The following INO80C variants were observed in gnomAD, a reference collection of about 807,000 sequenced individuals.
INO80C encodes the protein IES6 homolog.
A neutral mutation model predicts 17.7 loss-of-function variants in INO80C; 17 were observed. The observed-to-expected ratio is 0.96, with a 90% CI of 0.66 to 1.44. The LOEUF (loss-of-function observed/expected upper bound fraction) is 1.44, where lower values mean the gene tolerates loss of function less well. Ranked by LOEUF, INO80C falls within the 40% of genes most tolerant of loss-of-function variation. INO80C has a pLI of 0.00. For missense variants in INO80C, 244 were observed against 245.0 expected, an observed-to-expected ratio of 1.00 and a Z score of 0.03; for synonymous variants, 96 against 95.8, an observed-to-expected ratio of 1.00 and a Z score of -0.01.
chr18:35,497,285 A>C (rs2045992924), intron 1 of INO80C: 1 of 967,860 alleles, frequency 1.0e-6, no homozygotes, highest in Non-Finnish European at 1.2e-6. Flanking sequence ...TCAGGATGAG[A>C]GAAAGCATAC....
At chr18:35,474,207 C>CTA (rs58465669) in intron 4 of INO80C, among the ~76,000 whole-genome samples, 10,815 of 57,710 alleles carry the variant, frequency 0.19, 1,540 homozygotes, top group Middle Eastern at 0.3. Flanking sequence ...GTGTGTGTGT[C>CTA]TATATATATA....
intron 4 of INO80C, among the ~76,000 whole-genome samples, 166 bp from the exon 5 acceptor site, chr18:35,468,908 T>C (rs2045636374): frequency 6.6e-6 from 1 of 152,052 alleles, no homozygotes; most frequent in Non-Finnish European, 1.5e-5. Context: ...ACAGGCTCAT[T>C]AACCTTCCCA....
chr18:35,468,356 G>T lies in INO80C; in HGVS notation c.*255C>A. The T allele has an allele frequency of 7.6e-7, 1 of 1,315,680 alleles. No homozygotes were observed. Among genetic ancestry groups the T allele is most frequent in the Non-Finnish European group, 9.7e-7 (1 of 1,028,448 alleles). The allele number at this position is 1,315,680 out of a possible 1,614,324, so 81.5% of individuals were successfully genotyped here. A position where few individuals can be genotyped will look rare whatever the true frequency, so the allele number is the denominator to read the frequency against. ...GATAAATGAAAAGTATGGTTTTATT[G>T]TATCTTCTTGTCAAACACCTTTACT... is the stretch of plus-strand genomic sequence containing the variant. On this transcript the variant is annotated 3_prime_UTR_variant, in exon 5 of 5. Transcript: ENST00000334598.
chr18:35,472,259 C>T (rs1403052821), intron 4 of INO80C, among the ~76,000 whole-genome samples: 6 of 152,192 alleles, frequency 3.9e-5, no homozygotes, highest in African/African-American at 1.4e-4. Context: ...TCCTCTCCAG[C>T]ACCTGTTGTT....
Position 35,495,196 on chromosome 18 carries a change from A to G in INO80C, c.156+2523T>C, listed in dbSNP as rs143876824. On this transcript the variant is annotated intron_variant, in intron 1 of 4. Transcript: ENST00000334598. ...GTAATCCCTAAACTTTGGGAGGCCA[A>G]TGTGGGCAGATTGCTTGACCCCAGG... is the stretch of plus-strand genomic sequence containing the variant. Among the ~76,000 whole-genome samples, 100 of 152,358 alleles carry G rather than the reference A, an allele frequency of 6.6e-4. 1 individual carries two copies. Among genetic ancestry groups the G allele is most frequent in the African/African-American group, 1.9e-3 (79 of 41,584 alleles).
chr18:35,473,133 C>A (rs17561091), intron 4 of INO80C, among the ~76,000 whole-genome samples: 3,100 of 152,272 alleles, frequency 0.02, 41 homozygotes, highest in Non-Finnish European at 0.034. Context: ...TCTGAGGAAC[C>A]ACCCTCCAAG....
intron 1 of INO80C, among the ~76,000 whole-genome samples, chr18:35,493,909 C>G (rs2045954593): frequency 1.3e-5 from 2 of 152,142 alleles, no homozygotes; most frequent in African/African-American, 4.8e-5. Flanking sequence ...GATGAAAGAC[C>G]TATAAAATCT....
At chr18:35,490,859 C>T (rs1400658189) in intron 1 of INO80C, among the ~76,000 whole-genome samples, 3 of 152,154 alleles carry the variant, frequency 2.0e-5, no homozygotes, top group Admixed American at 6.5e-5. Context: ...GGGCTCAAGC[C>T]ATCTTCTCAC....
At chr18:35,491,010 T>G (rs931135590) in intron 1 of INO80C, among the ~76,000 whole-genome samples, 12 of 152,236 alleles carry the variant, frequency 7.9e-5, no homozygotes, top group African/African-American at 2.7e-4. Context: ...TCTGCCCACC[T>G]GGGCCTCCCA....
In INO80C at chr18:35,497,741, G is replaced by A; in HGVS notation, c.134C>T (p.Ala45Val). 1 of 1,612,558 alleles carries A rather than the reference G, an allele frequency of 6.2e-7. No homozygotes were observed. Among genetic ancestry groups the A allele is most frequent in the Non-Finnish European group, 8.5e-7 (1 of 1,179,484 alleles). Residue 45 changes from alanine to valine, a missense_variant, in exon 1 of 5, where the codon GCG (alanine) becomes GTG (valine). Ala to Val is a moderately conservative substitution (Grantham distance 64, BLOSUM62 0). Transcript: ENST00000334598. ...GGYGASKKKK[A>V]SASSFAQGIS... ...TACCTGCGCAAAGCTGGAAGCGGAC[G>A]CTTTTTTCTTCTTACTGGCGCCATA...
chr18:35,477,933 G>A, intron 4 of INO80C, among the ~76,000 whole-genome samples: 1 of 152,222 alleles, frequency 6.6e-6, no homozygotes, highest in Non-Finnish European at 1.5e-5. Context: ...GTTTAGAGAA[G>A]TTTAAACATG....
chr18:35,475,800 C>G (rs961726817), intron 4 of INO80C, among the ~76,000 whole-genome samples: 2 of 151,974 alleles, frequency 1.3e-5, no homozygotes, highest in Non-Finnish European at 2.9e-5. Flanking sequence ...AATATGACAT[C>G]AGATTGCAAC....
intron 1 of INO80C, among the ~76,000 whole-genome samples, chr18:35,486,786 TAAAAAAA>T (rs374753662): frequency 4.0e-4 from 32 of 79,680 alleles, no homozygotes; most frequent in Middle Eastern, 0.019. Context: ...CCCAATTTCT[TAAAAAAA>T]AAAAAAAAAA....
At chr18:35,479,882 C>T (rs1205231601) in intron 2 of INO80C, among the ~76,000 whole-genome samples, 6 of 148,250 alleles carry the variant, frequency 4.0e-5, no homozygotes, top group Non-Finnish European at 1.5e-5. Context: ...CTTCTAGGTA[C>T]CTCTTTTTTT....
At chr18:35,478,370 A>G (rs74518003) in intron 3 of INO80C, 21 bp from the exon 4 acceptor site, 3 of 1,469,970 alleles carry the variant, frequency 2.0e-6, no homozygotes, top group East Asian at 2.3e-5. Context: ...AAAAAAAAAA[A>G]GATAACTAAA....
chr18:35,497,693 C>G, intron 1 of INO80C, 26 bp downstream of exon 1: 1 of 1,601,430 alleles, frequency 6.2e-7, no homozygotes, highest in Middle Eastern at 2.1e-4. Context: ...GACGCGCACG[C>G]GCAGCCTGGG....
chr18:35,486,480 A>C (rs909939175), intron 1 of INO80C, among the ~76,000 whole-genome samples: 2 of 152,232 alleles, frequency 1.3e-5, no homozygotes, highest in East Asian at 3.8e-4. Flanking sequence ...AAACCACTAA[A>C]TTATACACTT....
chr18:35,470,165 T>G (rs2045652213), intron 4 of INO80C, among the ~76,000 whole-genome samples: 1 of 152,174 alleles, frequency 6.6e-6, no homozygotes, highest in African/African-American at 2.4e-5. Context: ...CTCACAGTAA[T>G]CCTGTGATTT....
Position 35,497,545 on chromosome 18 carries a change from A to C in INO80C, c.156+174T>G, listed in dbSNP as rs1598755391. 181 of 1,409,914 alleles carry C rather than the reference A, an allele frequency of 1.3e-4. 1 individual carries two copies. The South Asian group carries it at 2.7e-3, about 21-fold the overall frequency. 87.3% of individuals were successfully genotyped at this position (1,409,914 alleles called of 1,614,324 possible). A position where few individuals can be genotyped will look rare whatever the true frequency, so the allele number is the denominator to read the frequency against. On this transcript the variant is annotated intron_variant, in intron 1 of 4. Coordinates refer to ENST00000334598, the MANE Select transcript of INO80C (RefSeq NM_194281.4). Reference sequence around the variant, plus strand: ...TTACAACACAAGGCGTTGTAAGCCCATGTGTCCAAACGAAGGGAAAGAGTA... The same window carrying C: ...TTACAACACAAGGCGTTGTAAGCCCCTGTGTCCAAACGAAGGGAAAGAGTA...
Sources: gnomAD v4.1 joint callset for allele counts (sites outside exome capture counted in the v4.1 genomes callset) on GRCh38, gnomAD v4.1.1 for gene constraint, MANE v1.5 for transcripts, NCBI Gene and HGNC (gene_info 2026-07-23, HGNC 2026-07-21) for gene names.